RFX1: variants seen among roughly 807,000 people sequenced by gnomAD.
RFX1 encodes regulatory factor X1, also known as MHC class II regulatory factor RFX1.
In RFX1, 42 loss-of-function variants were observed where a neutral mutation model predicts 119.6. The ratio of observed to expected loss-of-function variants is 0.35; its 90% CI spans 0.27 to 0.45. The LOEUF is 0.45. Ranked by LOEUF, RFX1 falls within the 20% of genes least tolerant of loss-of-function variation. The probability of loss-of-function intolerance (pLI) is 1.00; values close to 1 mark genes in which losing one functional copy is unlikely to be tolerated. For missense variants in RFX1, 1,118 were observed against 1,368.1 expected, an observed-to-expected ratio of 0.82 and a Z score of 2.88; for synonymous variants, 628 against 618.5, an observed-to-expected ratio of 1.02 and a Z score of -0.23.
chr19:13,995,325 T>C (rs1287036191), intron 1 of RFX1, among the ~76,000 whole-genome samples: 1 of 152,134 alleles, frequency 6.6e-6, no homozygotes, highest in Non-Finnish European at 1.5e-5. Flanking sequence ...GGACTTGGGA[T>C]TCTCGGCTGA....
Position 13,965,378 on chromosome 19 carries a change from C to T in RFX1, c.2211+71G>A. On this transcript the variant is annotated intron_variant, in intron 16 of 20. Transcript: ENST00000254325. This position sits in a 1 kb window ranked among gnomAD's most constrained non-coding sequence, Gnocchi z 4.7. Reference sequence around the variant, plus strand: ...ACAGGCGTGGGGACAAATTTTACCGCCCCTGGGGAGCAGAGGAGACGGAGG... The same window carrying T: ...ACAGGCGTGGGGACAAATTTTACCGTCCCTGGGGAGCAGAGGAGACGGAGG... 2.9e-6 allele frequency: 4 copies of T among 1,399,522 alleles called. No homozygotes were observed. Among genetic ancestry groups the T allele is most frequent in the Non-Finnish European group, 4.0e-6 (4 of 996,584 alleles). The allele number at this position is 1,399,522 out of a possible 1,614,324, so 86.7% of individuals were successfully genotyped here. A position where few individuals can be genotyped will look rare whatever the true frequency, so the allele number is the denominator to read the frequency against.
intron 2 of RFX1, among the ~76,000 whole-genome samples, chr19:13,984,753 G>A (rs1284822504): frequency 1.3e-5 from 2 of 152,126 alleles, no homozygotes; most frequent in Admixed American, 6.5e-5. Flanking sequence ...GGGTTTATCC[G>A]ACCCCCGGCA....
intron 1 of RFX1, among the ~76,000 whole-genome samples, chr19:13,999,199 G>A (rs10402108): frequency 0.015 from 2,208 of 152,250 alleles, 62 homozygotes; most frequent in African/African-American, 0.05. Context: ...ATATTTGAGC[G>A]TGAGAACCCT....
intron 20 of RFX1, 24 bp from the exon 21 acceptor site, chr19:13,962,888 G>A: frequency 6.5e-7 from 1 of 1,533,912 alleles, no homozygotes; most frequent in Non-Finnish European, 8.8e-7. Context: ...ACCAAGTCCG[G>A]CTCGGGGCGG....
At chr19:14,004,123 C>T (rs1009563266) in intron 1 of RFX1, among the ~76,000 whole-genome samples, 5 of 152,168 alleles carry the variant, frequency 3.3e-5, no homozygotes, top group Non-Finnish European at 5.9e-5. Flanking sequence ...TAGTCTCAAA[C>T]TCCTGACCTC....
In RFX1 at chr19:13,980,378, G is replaced by A. The variant is rs1398880977; in HGVS notation, c.738+195C>T. On this transcript the variant is annotated intron_variant, in intron 6 of 20. Coordinates refer to ENST00000254325, the MANE Select transcript of RFX1 (RefSeq NM_002918.5). This position sits in a 1 kb window ranked among gnomAD's most constrained non-coding sequence, Gnocchi z 5.1. ...GAGGTTCAAATTTCGTCCTCCCCGC[G>A]GCTCCCCCATCCTCTAGCCCCAGGA... Among the ~76,000 whole-genome samples the A allele has an allele frequency of 6.6e-6, 1 of 152,160 alleles. No individual in the cohort carries two copies. The highest frequency in any genetic ancestry group is 2.4e-5 in the African/African-American group (1 of 41,426).
Position 13,982,215 on chromosome 19 carries a change from T to C in RFX1, c.527A>G (p.Gln176Arg). ...GGCTGCGCTCTGCACCACCAGACGC[T>C]GCGTGGGAAGAGCCTGGGGCCAGGG... ...IQVPQQALPT[Q>R]RLVVQSAAPG... Residue 176 changes from glutamine (Q) to arginine (R), a missense_variant, in exon 5 of 21, where the codon CAG becomes CGG. By Grantham distance (43) the Gln-to-Arg change is conservative. Transcript: ENST00000254325. 7.7e-7 allele frequency: 1 copy of C among 1,307,108 alleles called. No individual in the cohort carries two copies. Among genetic ancestry groups the C allele is most frequent in the Non-Finnish European group, 9.8e-7 (1 of 1,020,874 alleles). 81.0% of individuals were successfully genotyped at this position (1,307,108 alleles called of 1,614,324 possible). A position where few individuals can be genotyped will look rare whatever the true frequency, so the allele number is the denominator to read the frequency against.
At chr19:13,975,984 G>C (rs764748924) in intron 8 of RFX1, among the ~76,000 whole-genome samples, 11 of 152,258 alleles carry the variant, frequency 7.2e-5, no homozygotes, top group Non-Finnish European at 1.6e-4. Flanking sequence ...ATCACTGAGA[G>C]AGGAATTCAG....
At chr19:13,973,151 G>T in intron 8 of RFX1, 24 bp from the exon 9 acceptor site, 1 of 1,395,298 alleles carries the variant, frequency 7.2e-7, no homozygotes, top group South Asian at 1.1e-5. Context: ...AAAGCCAAGG[G>T]AGAGTCAGGG....
intron 9 of RFX1, 25 bp downstream of exon 9, chr19:13,972,718 C>A: frequency 6.4e-7 from 1 of 1,561,514 alleles, no homozygotes. Flanking sequence ...CCTGCCTCCT[C>A]TGGGGCCCGC....
intron 1 of RFX1, among the ~76,000 whole-genome samples, chr19:13,997,438 G>A (rs1030842287): frequency 1.5e-4 from 23 of 152,248 alleles, no homozygotes; most frequent in African/African-American, 4.8e-4. Context: ...GAGGGTTCAA[G>A]CTGATCCTGT....
At position 13,986,230 on chromosome 19, in the gene RFX1, G is replaced by A. The variant is rs1250591340; in HGVS notation, c.320-2635C>T. 1.3e-5 allele frequency among the ~76,000 whole-genome samples: 2 copies of A among 152,156 alleles called. No individual in the cohort carries two copies. Among genetic ancestry groups the A allele is most frequent in the Non-Finnish European group, 2.9e-5 (2 of 68,000 alleles). On this transcript the variant is annotated intron_variant, in intron 2 of 20. Transcript: ENST00000254325. The surrounding 1 kb of genome is among the most constrained non-coding windows in gnomAD (Gnocchi z 4.2). ...AGCTCAAGGTGGGCAGGGAGTGGGG[G>A]GCTGGCCCCCCACCCTCTCCAGGGC...
chr19:13,962,688 C>G lies in RFX1; in HGVS notation c.*7G>C. 1 of 1,522,212 alleles carries G rather than the reference C, an allele frequency of 6.6e-7. No homozygotes were observed. The highest frequency in any genetic ancestry group is 8.8e-7 in the Non-Finnish European group (1 of 1,141,182). 94.3% of individuals were successfully genotyped at this position (1,522,212 alleles called of 1,614,324 possible). ...GCGGGGGCGGGTGGGGCGGGGAGGC[C>G]AAGGGCTTAGCTGGAGGGCAGCGCC... On this transcript the variant is annotated 3_prime_UTR_variant, in exon 21 of 21. Transcript: ENST00000254325.
At position 13,980,750 on chromosome 19, in the gene RFX1, G is replaced by A; in HGVS notation, c.622-61C>T. The A allele has an allele frequency of 4.2e-6, 4 of 960,786 alleles. No homozygotes were observed. Among genetic ancestry groups the A allele is most frequent in the Non-Finnish European group, 4.7e-6 (3 of 634,366 alleles). The allele number at this position is 960,786 out of a possible 1,614,324, so 59.5% of individuals were successfully genotyped here. A position where few individuals can be genotyped will look rare whatever the true frequency, so the allele number is the denominator to read the frequency against. On this transcript the variant is annotated intron_variant, in intron 5 of 20. Transcript: ENST00000254325. This position sits in a 1 kb window ranked among gnomAD's most constrained non-coding sequence, Gnocchi z 5.1. Reference sequence around the variant, plus strand: ...TGGGCTTGCATCCTCTCTGAGGTGGGCTCACACACACACCCTTCTCAGGAG... The same window carrying A: ...TGGGCTTGCATCCTCTCTGAGGTGGACTCACACACACACCCTTCTCAGGAG...
chr19:14,001,555 C>T (rs1472141488), intron 1 of RFX1, among the ~76,000 whole-genome samples: 1 of 152,320 alleles, frequency 6.6e-6, no homozygotes, highest in East Asian at 1.9e-4. Flanking sequence ...CATGTCTCAG[C>T]CTCCCGAAGT....
intron 8 of RFX1, 49 bp from the exon 9 acceptor site, chr19:13,973,176 G>T (rs1360781559): frequency 2.2e-6 from 3 of 1,363,594 alleles, no homozygotes; most frequent in Non-Finnish European, 3.0e-6. Flanking sequence ...GAGAACTGGG[G>T]GGCCGAGGGG....
chr19:13,975,046 A>G (rs1974212259), intron 8 of RFX1, among the ~76,000 whole-genome samples: 2 of 145,770 alleles, frequency 1.4e-5, no homozygotes, highest in African/African-American at 5.0e-5. Context: ...TCCACCTCAA[A>G]AAAAAAAAAA....
Position 13,969,674 on chromosome 19 carries a change from A to T in RFX1, c.1496+320T>A, listed in dbSNP as rs1974011778. The T allele has an allele frequency of 3.9e-6, 1 of 255,814 alleles. No individual in the cohort carries two copies. The highest frequency in any genetic ancestry group is 7.5e-6 in the Non-Finnish European group (1 of 133,172). 15.8% of individuals were successfully genotyped at this position (255,814 alleles called of 1,614,324 possible). A position where few individuals can be genotyped will look rare whatever the true frequency, so the allele number is the denominator to read the frequency against. Reference sequence around the variant, plus strand: ...ACTCTTGTCTCCAAAAAAAAAAAAAAGTCACGTGTGAGCGTGCTGAATGCT... The same window carrying T: ...ACTCTTGTCTCCAAAAAAAAAAAAATGTCACGTGTGAGCGTGCTGAATGCT... On this transcript the variant is annotated intron_variant, in intron 10 of 20. Transcript: ENST00000254325. This position sits in a 1 kb window ranked among gnomAD's most constrained non-coding sequence, Gnocchi z 4.5.
chr19:13,970,707 C>T (rs942271013), intron 9 of RFX1, among the ~76,000 whole-genome samples: 3 of 130,102 alleles, frequency 2.3e-5, no homozygotes, highest in East Asian at 2.4e-4. Context: ...ATTAGCAGGA[C>T]GTGGTGGCTC....
Sources: gnomAD v4.1 joint callset for allele counts (sites outside exome capture counted in the v4.1 genomes callset) on GRCh38, gnomAD v4.1.1 for gene constraint, Gnocchi (gnomAD v3.1) non-coding constraint, MANE v1.5 for transcripts, NCBI Gene and HGNC (gene_info 2026-07-23, HGNC 2026-07-21) for gene names.